The following NKIRAS1 variants were observed in gnomAD, a reference collection of about 807,000 sequenced individuals.
NKIRAS1 encodes NFKB inhibitor interacting Ras like 1.
NKIRAS1 carries 16 observed loss-of-function variants against 19.8 expected under a neutral mutation model. That is an observed-to-expected ratio of 0.81 (90% confidence interval 0.55 to 1.23). The LOEUF is 1.23. NKIRAS1 is among the 50% of genes most tolerant of loss of function. The pLI, the probability that NKIRAS1 is intolerant of heterozygous loss-of-function variation, is 0.00. For synonymous variants in NKIRAS1, 88 were observed against 79.0 expected, an observed-to-expected ratio of 1.11 and a Z score of -0.61; for missense variants, 184 against 220.0, an observed-to-expected ratio of 0.84 and a Z score of 1.04.
At chr3:23,918,952 CCTGCCCTAGT>C, upstream of NKIRAS1, 1 of 555,272 alleles carries the variant, frequency 1.8e-6, no homozygotes, top group African/African-American at 1.9e-5. Flanking sequence ...TTAACATATT[CCTGCCCTAGT>C]CAGGAATGGA....
At chr3:23,921,574 T>TG (rs1559513554), upstream of NKIRAS1, 69 of 519,658 alleles carry the variant, frequency 1.3e-4, no homozygotes, top group African/African-American at 9.1e-4. Context: ...TATTGAGTTT[T>TG]TTTTTTTTTT....
chr3:23,932,654 C>T (rs1705337489), intron 1 of NKIRAS1, among the ~76,000 whole-genome samples: 1 of 145,740 alleles, frequency 6.9e-6, no homozygotes, highest in South Asian at 2.1e-4. Context: ...CGCCATTGCA[C>T]TACAGCCTGG....
At chr3:23,931,508 G>A (rs1010231001) in intron 1 of NKIRAS1, among the ~76,000 whole-genome samples, 2 of 152,052 alleles carry the variant, frequency 1.3e-5, no homozygotes, top group Non-Finnish European at 2.9e-5. Flanking sequence ...CCTTGCCCCT[G>A]GCACTTCCTT....
At chr3:23,945,153 A>AGGGTAGCCGGGTAGCCGGGGAGCC (rs145516978) in intron 1 of NKIRAS1, 1 of 112,372 alleles carries the variant, frequency 8.9e-6, no homozygotes, top group Admixed American at 9.4e-5. Flanking sequence ...GCAGGAGAAA[A>AGGGTAGCCGGGTAGCCGGGGAGCC]GGGTAGCCGG....
At chr3:23,932,545 G>A (rs548721331) in intron 1 of NKIRAS1, among the ~76,000 whole-genome samples, 86 of 151,968 alleles carry the variant, frequency 5.7e-4, no homozygotes, top group Middle Eastern at 3.4e-3. Context: ...AAAATTAGCC[G>A]GGCGTGGTGG....
rs571155774 is a variant in NKIRAS1, at chr3:23,926,276, G to T, written c.-139-14826C>A. On this transcript the variant is annotated intron_variant, in intron 1 of 4. Coordinates refer to the NKIRAS1 transcript ENST00000421515. This position sits in a 1 kb window ranked among gnomAD's most constrained non-coding sequence, Gnocchi z 4.3. ...CGTGTTGGCCAGGCTGGTCTCAAACGCCTGACCTTAGGTGATCCACCTGCC... is the reference window on the plus strand; with the variant it reads ...CGTGTTGGCCAGGCTGGTCTCAAACTCCTGACCTTAGGTGATCCACCTGCC... 6.6e-6 allele frequency among the ~76,000 whole-genome samples: 1 copy of T among 152,240 alleles called. No individual in the cohort carries two copies. The highest frequency in any genetic ancestry group is 2.1e-4 in the South Asian group (1 of 4,826).
At chr3:23,936,429 T>C (rs1426140857) in intron 1 of NKIRAS1, among the ~76,000 whole-genome samples, 2 of 152,182 alleles carry the variant, frequency 1.3e-5, no homozygotes, top group African/African-American at 4.8e-5. Context: ...GCTGATGCTC[T>C]CCCAAACTTG....
chr3:23,931,330 G>A (rs9848647), intron 1 of NKIRAS1, among the ~76,000 whole-genome samples: 95,398 of 152,030 alleles, frequency 0.63, 30,187 homozygotes, highest in Middle Eastern at 0.72. Context: ...TCTCAAATTT[G>A]ATTAAGTATG....
intron 3 of NKIRAS1, among the ~76,000 whole-genome samples, chr3:23,909,440 T>C (rs1197986590): frequency 2.0e-5 from 3 of 152,140 alleles, no homozygotes; most frequent in African/African-American, 4.8e-5. Flanking sequence ...GAAAGGAGAA[T>C]TGGCTGAACC....
At chr3:23,898,013 C>G (rs1702147565) in intron 4 of NKIRAS1, among the ~76,000 whole-genome samples, 1 of 152,130 alleles carries the variant, frequency 6.6e-6, no homozygotes, top group African/African-American at 2.4e-5. Flanking sequence ...GATAAGGAAA[C>G]TGAAGCAGAA....
At chr3:23,896,354 C>T (rs1701995572) in intron 4 of NKIRAS1, among the ~76,000 whole-genome samples, 1 of 152,066 alleles carries the variant, frequency 6.6e-6, no homozygotes, top group African/African-American at 2.4e-5. Context: ...GTGGCTAATG[C>T]CTGTAATCCC....
intron 1 of NKIRAS1, among the ~76,000 whole-genome samples, chr3:23,932,985 T>C (rs986392622): frequency 6.6e-6 from 1 of 152,138 alleles, no homozygotes; most frequent in African/African-American, 2.4e-5. Flanking sequence ...GGAATTAAGG[T>C]TGCAAATCAG....
chr3:23,910,329 T>C (rs1703559463), intron 3 of NKIRAS1, among the ~76,000 whole-genome samples: 1 of 151,738 alleles, frequency 6.6e-6, no homozygotes, highest in Non-Finnish European at 1.5e-5. Context: ...GCTAATGTTG[T>C]ATTTTTAGTA....
intron 1 of NKIRAS1, chr3:23,945,435 C>A: frequency 3.7e-6 from 1 of 271,764 alleles, no homozygotes; most frequent in Non-Finnish European, 5.9e-6. Context: ...GCCTGGGGCC[C>A]GGGAGCCCCG....
intron 4 of NKIRAS1, among the ~76,000 whole-genome samples, chr3:23,896,758 G>C (rs1421608527): frequency 2.0e-5 from 3 of 151,788 alleles, no homozygotes; most frequent in Non-Finnish European, 4.4e-5. Flanking sequence ...AGGACTGTTT[G>C]AGACCAGGAG....
At chr3:23,937,187 T>A (rs1575134183) in intron 1 of NKIRAS1, among the ~76,000 whole-genome samples, 2 of 86,150 alleles carry the variant, frequency 2.3e-5, no homozygotes, top group South Asian at 7.1e-4. Context: ...GAGACCAGCC[T>A]GGCCAATGTG....
At chr3:23,908,820 T>C (rs1245311182) in intron 3 of NKIRAS1, among the ~76,000 whole-genome samples, 1 of 151,986 alleles carries the variant, frequency 6.6e-6, no homozygotes, top group African/African-American at 2.4e-5. Context: ...CATGCCACCA[T>C]GCCCACCTGG....
chr3:23,923,899 G>A (rs1451633234), intron 1 of NKIRAS1: 4 of 152,112 alleles, frequency 2.6e-5, no homozygotes, highest in Non-Finnish European at 5.9e-5. Flanking sequence ...CTTTTATTTT[G>A]CATTCTGAGT....
At chr3:23,945,264 C>T (rs1352867403) in intron 1 of NKIRAS1, 1 of 153,078 alleles carries the variant, frequency 6.5e-6, no homozygotes, top group East Asian at 1.9e-4. Flanking sequence ...GCGCGGGTCA[C>T]ATGGTCGCGG....
Sources: gnomAD v4.1 joint callset for allele counts (sites outside exome capture counted in the v4.1 genomes callset) on GRCh38, gnomAD v4.1.1 for gene constraint, Gnocchi (gnomAD v3.1) non-coding constraint, MANE v1.5 for transcripts, NCBI Gene and HGNC (gene_info 2026-07-23, HGNC 2026-07-21) for gene names.